EXOC4: variants seen among roughly 807,000 people sequenced by gnomAD.
EXOC4 encodes exocyst complex component 4, also known as SEC8-like 1.
A neutral mutation model predicts 107.2 loss-of-function variants in EXOC4; 71 were observed. The ratio of observed to expected loss-of-function variants is 0.66; its 90% CI spans 0.55 to 0.81. EXOC4 has a LOEUF of 0.81. Ranked by LOEUF, EXOC4 falls within the 30% of genes least tolerant of loss-of-function variation. The pLI, the probability that EXOC4 is intolerant of heterozygous loss-of-function variation, is 0.00. For synonymous variants in EXOC4, 456 were observed against 441.2 expected, an observed-to-expected ratio of 1.03 and a Z score of -0.42; for missense variants, 1,108 against 1,189.6, an observed-to-expected ratio of 0.93 and a Z score of 1.01.
intron 14 of EXOC4, among the ~76,000 whole-genome samples, chr7:133,945,216 G>GT (rs2116763106): frequency 6.6e-6 from 1 of 152,244 alleles, no homozygotes; most frequent in Non-Finnish European, 1.5e-5. Context: ...TAAAGGAGTG[G>GT]TTTTCAGCCT....
At chr7:133,883,121 A>G (rs1271730929) in intron 11 of EXOC4, among the ~76,000 whole-genome samples, 2 of 152,034 alleles carry the variant, frequency 1.3e-5, no homozygotes, top group Admixed American at 6.6e-5. Flanking sequence ...CTGATTTTGA[A>G]CTACAATAAT....
intron 14 of EXOC4, among the ~76,000 whole-genome samples, chr7:133,980,094 T>G (rs1247817392): frequency 6.6e-6 from 1 of 152,190 alleles, no homozygotes; most frequent in Non-Finnish European, 1.5e-5. Context: ...TCCTGCGTAT[T>G]TTCACTAATT....
At chr7:134,060,853 G>T (rs1421689991) in intron 17 of EXOC4, among the ~76,000 whole-genome samples, 6 of 152,060 alleles carry the variant, frequency 3.9e-5, no homozygotes, top group Non-Finnish European at 8.8e-5. Flanking sequence ...GGTTATGGAG[G>T]AATTTTTTCT....
intron 5 of EXOC4, among the ~76,000 whole-genome samples, chr7:133,338,918 A>G (rs1243945079): frequency 6.6e-6 from 1 of 151,504 alleles, no homozygotes; most frequent in Non-Finnish European, 1.5e-5. Context: ...ATGCCTGGCT[A>G]ATTTTGTATT....
At chr7:133,536,698 A>G (rs1043745935) in intron 9 of EXOC4, among the ~76,000 whole-genome samples, 7 of 151,982 alleles carry the variant, frequency 4.6e-5, no homozygotes, top group Non-Finnish European at 1.0e-4. Flanking sequence ...TATTTCTCAC[A>G]TAGAAGTGTG....
intron 9 of EXOC4, among the ~76,000 whole-genome samples, chr7:133,491,871 A>G (rs747784697): frequency 1.3e-5 from 2 of 152,192 alleles, no homozygotes; most frequent in Non-Finnish European, 1.5e-5. Context: ...AACTCGCGGC[A>G]AGTAGGGAGA....
chr7:133,704,552 A>T (rs1794728589), intron 10 of EXOC4, among the ~76,000 whole-genome samples: 2 of 152,356 alleles, frequency 1.3e-5, no homozygotes, highest in South Asian at 4.1e-4. Context: ...AATAAGCACA[A>T]AAATACAGTG....
At chr7:134,079,180 G>T in the EXOC4 span, among the ~76,000 whole-genome samples, 9 of 152,316 alleles carry the variant, frequency 5.9e-5, no homozygotes, top group African/African-American at 2.2e-4. Context: ...TCATTAGCAA[G>T]AGAACGTAAA....
chr7:133,659,328 G>A (rs1803379912), intron 10 of EXOC4, among the ~76,000 whole-genome samples: 1 of 152,086 alleles, frequency 6.6e-6, no homozygotes, highest in African/African-American at 2.4e-5. Flanking sequence ...TAACTATGGT[G>A]ACAGTTGTCT....
the EXOC4 span, among the ~76,000 whole-genome samples, chr7:134,100,236 CTT>C: frequency 6.7e-6 from 1 of 149,392 alleles, no homozygotes; most frequent in East Asian, 2.0e-4. Context: ...CGTGTGAAGA[CTT>C]GAGTTCTGCT....
At chr7:133,557,500 A>G (rs1181671196) in intron 9 of EXOC4, among the ~76,000 whole-genome samples, 2 of 152,190 alleles carry the variant, frequency 1.3e-5, no homozygotes, top group Non-Finnish European at 2.9e-5. Context: ...CAAAACGTTC[A>G]ATTTCTCATG....
intron 7 of EXOC4, among the ~76,000 whole-genome samples, chr7:133,441,971 C>T (rs1044988810): frequency 2.0e-5 from 3 of 152,194 alleles, no homozygotes; most frequent in Non-Finnish European, 2.9e-5. Context: ...GCTGGGTTCT[C>T]CTCCAGTGAA....
In EXOC4 at chr7:133,942,211, G is replaced by A. The variant is rs952549141; in HGVS notation, c.2206+4142G>A. Among the ~76,000 whole-genome samples, 3 of 151,718 alleles carry A rather than the reference G, an allele frequency of 2.0e-5. No individual in the cohort carries two copies. The South Asian group carries it at 6.2e-4, about 32-fold the overall frequency. On this transcript the variant is annotated intron_variant, in intron 14 of 17. Coordinates refer to ENST00000253861, the MANE Select transcript of EXOC4 (RefSeq NM_021807.4). ...TCTTGGATTCTGTAAAAATCTCTGG[G>A]ATTAGAGATTCTACAACCTCCTTGA...
intron 10 of EXOC4, among the ~76,000 whole-genome samples, chr7:133,752,048 C>G (rs945611224): frequency 6.6e-6 from 1 of 151,238 alleles, no homozygotes; most frequent in African/African-American, 2.4e-5. Context: ...ATAGTCCTAG[C>G]TACTTGGGAG....
chr7:133,973,097 A>G (rs1229163639), intron 14 of EXOC4, among the ~76,000 whole-genome samples: 4 of 152,236 alleles, frequency 2.6e-5, no homozygotes, highest in African/African-American at 7.2e-5. Flanking sequence ...AGTTTAACAA[A>G]TAACACAGTA....
chr7:133,982,991 G>A (rs984080181), intron 14 of EXOC4, among the ~76,000 whole-genome samples: 3 of 152,226 alleles, frequency 2.0e-5, no homozygotes, highest in Admixed American at 2.0e-4. Flanking sequence ...TGAGTAATTT[G>A]TAAGAAAACA....
At chr7:133,906,276 G>C (rs1044576639) in intron 12 of EXOC4, among the ~76,000 whole-genome samples, 7 of 152,134 alleles carry the variant, frequency 4.6e-5, no homozygotes, top group African/African-American at 1.7e-4. Flanking sequence ...TGGCCTTGGA[G>C]CTTTTGCCAA....
intron 10 of EXOC4, among the ~76,000 whole-genome samples, chr7:133,737,301 C>A (rs571425969): frequency 6.6e-6 from 1 of 152,240 alleles, no homozygotes; most frequent in South Asian, 2.1e-4. Context: ...GGTAATAGTT[C>A]TCTGCCAGCA....
chr7:133,681,133 C>G (rs1238963881), intron 10 of EXOC4, among the ~76,000 whole-genome samples: 1 of 152,186 alleles, frequency 6.6e-6, no homozygotes, highest in Non-Finnish European at 1.5e-5. Flanking sequence ...GGGCTTCCAT[C>G]TTCCTTTCAG....
Sources: gnomAD v4.1 joint callset for allele counts (sites outside exome capture counted in the v4.1 genomes callset) on GRCh38, gnomAD v4.1.1 for gene constraint, MANE v1.5 for transcripts, NCBI Gene and HGNC (gene_info 2026-07-23, HGNC 2026-07-21) for gene names.